The following TMEM237 variants were observed in gnomAD, a reference collection of about 807,000 sequenced individuals.
TMEM237 encodes the protein transmembrane protein 237.
TMEM237 carries 51 observed loss-of-function variants against 59.1 expected under a neutral mutation model. The ratio of observed to expected loss-of-function variants is 0.86; its 90% CI spans 0.69 to 1.09. The LOEUF (loss-of-function observed/expected upper bound fraction) is 1.09. Ranked by LOEUF, TMEM237 falls within the 50% of genes least tolerant of loss-of-function variation. The pLI is 0.00. For missense variants in TMEM237, 475 were observed against 478.3 expected (o/e 0.99, Z 0.06); for synonymous variants, 140 against 166.1 (o/e 0.84, Z 1.21).
chr2:201,627,786 A>T (rs1304952974), intron 10 of TMEM237, among the ~76,000 whole-genome samples: 1 of 152,210 alleles, frequency 6.6e-6, no homozygotes, highest in Non-Finnish European at 1.5e-5. Context: ...TTAAAAGGCC[A>T]TACCCGCTGA....
intron 6 of TMEM237, among the ~76,000 whole-genome samples, chr2:201,632,796 C>T (rs1687199454): frequency 6.6e-6 from 1 of 152,162 alleles, no homozygotes; most frequent in South Asian, 2.1e-4. Flanking sequence ...TGAGAACGGA[C>T]TAACACAGAC....
At position 201,621,541 on chromosome 2, in the gene TMEM237, C is replaced by A. The variant is rs1340792966; in HGVS notation, c.*2714G>T. On this transcript the variant is annotated 3_prime_UTR_variant, in exon 13 of 13. Coordinates refer to ENST00000409883, the MANE Select transcript of TMEM237 (RefSeq NM_001044385.3). Reference sequence around the variant, plus strand: ...GGAAATGAACTATTGATACACACAACAGCTGAGATGACTCAGAAAAAAAGA... The same window carrying A: ...GGAAATGAACTATTGATACACACAAAAGCTGAGATGACTCAGAAAAAAAGA... 1 of 152,334 alleles carries A rather than the reference C, an allele frequency of 6.6e-6. No individual in the cohort carries two copies. The highest frequency in any genetic ancestry group is 1.5e-5 in the Non-Finnish European group (1 of 68,016). The allele number at this position is 152,334 out of a possible 1,614,324, so 9.4% of individuals were successfully genotyped here. A position where few individuals can be genotyped will look rare whatever the true frequency, so the allele number is the denominator to read the frequency against.
At chr2:201,627,083 A>G (rs2105897890) in intron 11 of TMEM237, among the ~76,000 whole-genome samples, 1 of 151,512 alleles carries the variant, frequency 6.6e-6, no homozygotes, top group East Asian at 2.0e-4. Context: ...CTATCTCGAA[A>G]AAAAAAAAAA....
chr2:201,639,127 G>T, intron 3 of TMEM237, 82 bp from the exon 4 acceptor site: 1 of 1,298,140 alleles, frequency 7.7e-7, no homozygotes. Context: ...CTTTTAAACA[G>T]GGAAGAATTC....
intron 5 of TMEM237, chr2:201,636,389 A>C (rs1687297633): frequency 5.9e-6 from 1 of 170,484 alleles, no homozygotes; most frequent in African/African-American, 2.4e-5. Context: ...GACTAAACAA[A>C]TGTTAGCTGT....
At chr2:201,625,671 G>A (rs547956196) in intron 12 of TMEM237, among the ~76,000 whole-genome samples, 1 of 152,186 alleles carries the variant, frequency 6.6e-6, no homozygotes, top group Non-Finnish European at 1.5e-5. Flanking sequence ...GAGAGGCTAT[G>A]TAGACAAAGC....
At chr2:201,629,896 C>A (rs1334266389) in intron 7 of TMEM237, 44 bp from the exon 8 acceptor site, 1 of 1,580,234 alleles carries the variant, frequency 6.3e-7, no homozygotes, top group African/African-American at 1.4e-5. Context: ...CGAGAGAGAA[C>A]CCTGGTAGCC....
At chr2:201,641,747 TAATG>T (rs1248617290) in intron 1 of TMEM237, among the ~76,000 whole-genome samples, 1 of 130,434 alleles carries the variant, frequency 7.7e-6, no homozygotes, top group Non-Finnish European at 1.7e-5. Flanking sequence ...ACACAAAACG[TAATG>T]AATGAAGGAG....
intron 2 of TMEM237, 78 bp downstream of exon 2, chr2:201,640,815 G>T: frequency 8.5e-7 from 1 of 1,181,264 alleles, no homozygotes; most frequent in Non-Finnish European, 1.2e-6. Flanking sequence ...ATTTTGCAAT[G>T]ATACTAGTCA....
chr2:201,642,745 C>A, intron 1 of TMEM237: 1 of 1,480,518 alleles, frequency 6.8e-7, no homozygotes, highest in Non-Finnish European at 8.9e-7. Flanking sequence ...TGGCTAGTAC[C>A]CCGCGCGCAG....
At chr2:201,626,268 T>C (rs1484139590) in intron 11 of TMEM237, 121 bp from the exon 12 acceptor site, 1 of 1,078,346 alleles carries the variant, frequency 9.3e-7, no homozygotes, top group Non-Finnish European at 1.3e-6. Flanking sequence ...ACAAGTAAAG[T>C]GTGAAAGAAA....
In TMEM237 at chr2:201,621,630, T is replaced by C. The variant is rs955938475; in HGVS notation, c.*2625A>G. 6.6e-6 allele frequency: 1 copy of C among 152,648 alleles called. No individual in the cohort carries two copies. The highest frequency in any genetic ancestry group is 1.5e-5 in the Non-Finnish European group (1 of 68,054). 9.5% of individuals were successfully genotyped at this position (152,648 alleles called of 1,614,324 possible). A position where few individuals can be genotyped will look rare whatever the true frequency, so the allele number is the denominator to read the frequency against. On this transcript the variant is annotated 3_prime_UTR_variant, in exon 13 of 13. Transcript: ENST00000409883. ...CTGTATGATTCAATTTATAACATTA[T>C]TGAAATGACAGAGTTTTAGAAACTG... is the stretch of plus-strand genomic sequence containing the variant.
In TMEM237 at chr2:201,643,432, ACCGCCGGCGGC is replaced by A. The variant is rs1687476367; in HGVS notation, c.-43_-33del. ...CTCCCCGCGGGGCTGCCCCGGCGCA[ACCGCCGGCGGC>A]CCGAGCCCAGCTCCCCGCGACGCAG... On this transcript the variant is annotated 5_prime_UTR_variant, in exon 1 of 13. Coordinates refer to ENST00000409883, the MANE Select transcript of TMEM237 (RefSeq NM_001044385.3). This position sits in a 1 kb window ranked among gnomAD's most constrained non-coding sequence, Gnocchi z 4.3. 3 of 1,475,808 alleles carry A rather than the reference ACCGCCGGCGGC, an allele frequency of 2.0e-6. No homozygotes were observed. Among genetic ancestry groups the A allele is most frequent in the Non-Finnish European group, 1.8e-6 (2 of 1,111,472 alleles). 91.4% of individuals were successfully genotyped at this position (1,475,808 alleles called of 1,614,324 possible).
chr2:201,628,822 T>C (rs1319925233), intron 9 of TMEM237, among the ~76,000 whole-genome samples: 1 of 152,182 alleles, frequency 6.6e-6, no homozygotes, highest in Non-Finnish European at 1.5e-5. Context: ...CCTGGCCACA[T>C]CCTGATTGCA....
intron 5 of TMEM237, among the ~76,000 whole-genome samples, chr2:201,634,004 G>A (rs1359322061): frequency 6.6e-6 from 1 of 152,166 alleles, no homozygotes; most frequent in Non-Finnish European, 1.5e-5. Flanking sequence ...CCAAAATTCT[G>A]GATGCCCGGA....
At chr2:201,642,389 A>G (rs1376544720) in intron 1 of TMEM237, among the ~76,000 whole-genome samples, 1 of 152,222 alleles carries the variant, frequency 6.6e-6, no homozygotes, top group African/African-American at 2.4e-5. Flanking sequence ...TCAAAATTAC[A>G]ATTGGAGAAG....
At chr2:201,636,907 A>T (rs1687307104) in intron 4 of TMEM237, 22 bp from the exon 5 acceptor site, 1 of 1,580,340 alleles carries the variant, frequency 6.3e-7, no homozygotes, top group African/African-American at 1.4e-5. Context: ...CAGAGTAGAA[A>T]AAAATGAGAT....
rs1441504996 is a variant in TMEM237, at chr2:201,622,092, T to C, written c.*2163A>G. ...TACAGGGCCACTAGCTGCTCAGGTT[T>C]ATATGCCTCCTGGGTCATTACGAGA... On this transcript the variant is annotated 3_prime_UTR_variant, in exon 13 of 13. Transcript: ENST00000409883. 1 of 152,210 alleles carries C rather than the reference T, an allele frequency of 6.6e-6. No individual in the cohort carries two copies. The highest frequency in any genetic ancestry group is 1.5e-5 in the Non-Finnish European group (1 of 68,046). The allele number at this position is 152,210 out of a possible 1,614,324, so 9.4% of individuals were successfully genotyped here.
In TMEM237 at chr2:201,643,009, T is replaced by C; in HGVS notation, c.42+350A>G. 1.5e-6 allele frequency: 2 copies of C among 1,291,334 alleles called. No individual in the cohort carries two copies. The highest frequency in any genetic ancestry group is 4.2e-5 in the South Asian group (2 of 47,508). The allele number at this position is 1,291,334 out of a possible 1,614,324, so 80.0% of individuals were successfully genotyped here. A position where few individuals can be genotyped will look rare whatever the true frequency, so the allele number is the denominator to read the frequency against. On this transcript the variant is annotated intron_variant, in intron 1 of 12. Transcript: ENST00000409883. This position sits in a 1 kb window ranked among gnomAD's most constrained non-coding sequence, Gnocchi z 4.3. ...GGCGAACAGATCTCTTCTGGGCAGC[T>C]ACAGACCTCTCCTCGGAGGAGTCTA...
Sources: gnomAD v4.1 joint callset for allele counts (sites outside exome capture counted in the v4.1 genomes callset) on GRCh38, gnomAD v4.1.1 for gene constraint, Gnocchi (gnomAD v3.1) non-coding constraint, MANE v1.5 for transcripts, NCBI Gene and HGNC (gene_info 2026-07-23, HGNC 2026-07-21) for gene names.